DGKI: variants seen among roughly 807,000 people sequenced by gnomAD.
DGKI encodes diacylglycerol kinase iota.
In DGKI, 55 loss-of-function variants were observed where a neutral mutation model predicts 147.5. That is an observed-to-expected ratio of 0.37 (90% confidence interval 0.30 to 0.47). The LOEUF is 0.47. Among genes scored for constraint, DGKI ranks in the 20% least tolerant of loss-of-function variants. The pLI, the probability that DGKI is intolerant of heterozygous loss-of-function variation, is 1.00. For synonymous variants in DGKI, 469 were observed against 477.1 expected (o/e 0.98, Z 0.22); for missense variants, 1,007 against 1,323.8 (o/e 0.76, Z 3.71).
At chr7:137,804,011 T>A (rs1449702684) in intron 1 of DGKI, among the ~76,000 whole-genome samples, 1 of 152,182 alleles carries the variant, frequency 6.6e-6, no homozygotes, top group Non-Finnish European at 1.5e-5. Context: ...CTGAGGGAGC[T>A]CCTTTGTGAG....
intron 5 of DGKI, among the ~76,000 whole-genome samples, chr7:137,651,789 G>C (rs56704414): frequency 0.047 from 7,114 of 152,204 alleles, 536 homozygotes; most frequent in African/African-American, 0.15. Context: ...AATTAGGAAA[G>C]GGTGATGTGA....
At chr7:137,617,537 T>G (rs552730051) in intron 8 of DGKI, among the ~76,000 whole-genome samples, 1 of 152,290 alleles carries the variant, frequency 6.6e-6, no homozygotes, top group East Asian at 1.9e-4. Flanking sequence ...GTTTACAGAC[T>G]AAGTGGTATG....
chr7:137,756,983 CTGTT>C (rs1171839815), intron 1 of DGKI, among the ~76,000 whole-genome samples: 4 of 152,082 alleles, frequency 2.6e-5, no homozygotes, highest in Non-Finnish European at 1.5e-5. Context: ...GGGTATATAA[CTGTT>C]TGGTTATATT....
chr7:137,745,294 G>A (rs1476615069), intron 1 of DGKI, among the ~76,000 whole-genome samples: 2 of 152,008 alleles, frequency 1.3e-5, no homozygotes, highest in Admixed American at 1.3e-4. Flanking sequence ...CTCCTCCTTG[G>A]GGAAGACTAC....
chr7:137,651,996 A>G (rs1185855756), intron 5 of DGKI, among the ~76,000 whole-genome samples: 1 of 152,056 alleles, frequency 6.6e-6, no homozygotes, highest in East Asian at 1.9e-4. Flanking sequence ...AACAGGTTAC[A>G]ATGACTAGAA....
At chr7:137,414,372 C>T (rs538766404) in intron 28 of DGKI, among the ~76,000 whole-genome samples, 1 of 152,126 alleles carries the variant, frequency 6.6e-6, no homozygotes, top group Non-Finnish European at 1.5e-5. Flanking sequence ...CCATAACAAG[C>T]TATAAGCAGC....
At chr7:137,737,774 A>G (rs1404327549) in intron 1 of DGKI, among the ~76,000 whole-genome samples, 4 of 152,194 alleles carry the variant, frequency 2.6e-5, no homozygotes, top group African/African-American at 4.8e-5. Flanking sequence ...GGAATTAAGC[A>G]AAGTGTGGCA....
At chr7:137,493,224 G>A (rs1815836084) in intron 21 of DGKI, among the ~76,000 whole-genome samples, 3 of 152,062 alleles carry the variant, frequency 2.0e-5, no homozygotes, top group Admixed American at 2.0e-4. Flanking sequence ...ATTGCCTCCA[G>A]TGTGAATGCA....
At chr7:137,681,114 G>A (rs1263055930) in intron 2 of DGKI, among the ~76,000 whole-genome samples, 3 of 152,180 alleles carry the variant, frequency 2.0e-5, no homozygotes, top group South Asian at 2.1e-4. Flanking sequence ...CTGGTGGTAG[G>A]AGTGCACCAT....
chr7:137,572,003 C>T (rs557167533), intron 18 of DGKI, among the ~76,000 whole-genome samples: 1 of 152,262 alleles, frequency 6.6e-6, no homozygotes, highest in Non-Finnish European at 1.5e-5. Flanking sequence ...TTGTAACTGA[C>T]TATATTGAGC....
chr7:137,717,368 C>A (rs1794411145), intron 1 of DGKI, among the ~76,000 whole-genome samples: 1 of 151,908 alleles, frequency 6.6e-6, no homozygotes, highest in Admixed American at 6.6e-5. Context: ...GAAATTAGAA[C>A]TCTATTTAAA....
intron 1 of DGKI, among the ~76,000 whole-genome samples, chr7:137,841,114 T>C (rs963706381): frequency 7.2e-5 from 11 of 152,182 alleles, no homozygotes; most frequent in African/African-American, 2.7e-4. Flanking sequence ...CTAGTCTAAG[T>C]CCCAGACCAG....
At position 137,767,584 on chromosome 7, in the gene DGKI, A is replaced by AG. The variant is rs1392760592; in HGVS notation, c.402-77583dup. Among the ~76,000 whole-genome samples the AG allele has an allele frequency of 5.8e-4, 85 of 147,810 alleles. 1 individual carries two copies. The highest frequency in any genetic ancestry group is 3.4e-3 in the Middle Eastern group (1 of 294). ...AGAAGAGAAGAGAAGGAGAAGGAGA[A>AG]GAGAAGAGAAGAGAAGGAGAAGAGA... On this transcript the variant is annotated intron_variant, in intron 1 of 32. Transcript: ENST00000614521.
intron 30 of DGKI, among the ~76,000 whole-genome samples, chr7:137,400,636 C>T (rs932715503): frequency 6.6e-6 from 1 of 152,158 alleles, no homozygotes; most frequent in South Asian, 2.1e-4. Context: ...CAGGCATGCC[C>T]GCGGCTACCC....
At chr7:137,724,562 T>C (rs2116633055) in intron 1 of DGKI, among the ~76,000 whole-genome samples, 1 of 152,306 alleles carries the variant, frequency 6.6e-6, no homozygotes, top group South Asian at 2.1e-4. Context: ...AATGGATTAC[T>C]ATTAATGAAC....
intron 1 of DGKI, among the ~76,000 whole-genome samples, chr7:137,825,615 G>GAC (rs954037865): frequency 6.6e-6 from 1 of 151,134 alleles, no homozygotes. Flanking sequence ...CCAACACACA[G>GAC]ACACACACAC....
At chr7:137,516,154 C>T (rs1816737394) in intron 21 of DGKI, among the ~76,000 whole-genome samples, 1 of 151,958 alleles carries the variant, frequency 6.6e-6, no homozygotes, top group Admixed American at 6.6e-5. Flanking sequence ...GAAAAAAAAT[C>T]AGTGTTTTTA....
At chr7:137,688,233 C>A (rs1823489278) in intron 2 of DGKI, among the ~76,000 whole-genome samples, 1 of 152,170 alleles carries the variant, frequency 6.6e-6, no homozygotes, top group Admixed American at 6.5e-5. Flanking sequence ...AAGGCAGAAA[C>A]CGTATCTTCT....
chr7:137,839,593 C>T (rs149344610), intron 1 of DGKI, among the ~76,000 whole-genome samples: 1 of 152,214 alleles, frequency 6.6e-6, no homozygotes, highest in Admixed American at 6.5e-5. Context: ...GGTTAAGTAA[C>T]TTTTGCAGGC....
Sources: allele counts gnomAD v4.1 joint callset (sites outside exome capture counted in the v4.1 genomes callset), GRCh38; gene constraint gnomAD v4.1.1; transcripts MANE v1.5; gene names NCBI Gene and HGNC (gene_info 2026-07-23, HGNC 2026-07-21).